The following KDM4C variants were observed in gnomAD, a reference collection of about 807,000 sequenced individuals.
KDM4C encodes lysine demethylase 4C.
KDM4C carries 81 observed loss-of-function variants against 129.3 expected under a neutral mutation model. The ratio of observed to expected loss-of-function variants is 0.63; its 90% CI spans 0.52 to 0.75. KDM4C has a LOEUF of 0.75. Ranked by LOEUF, KDM4C falls within the 30% of genes least tolerant of loss-of-function variation. KDM4C has a pLI of 0.00. For synonymous variants in KDM4C, 573 were observed against 456.1 expected, an observed-to-expected ratio of 1.26 and a Z score of -3.26; for missense variants, 1,457 against 1,304.0, an observed-to-expected ratio of 1.12 and a Z score of -1.81.
chr9:6,946,031 C>T (rs1302835632), intron 8 of KDM4C, among the ~76,000 whole-genome samples: 7 of 152,116 alleles, frequency 4.6e-5, no homozygotes, highest in East Asian at 3.9e-4. Context: ...GCATGAATTC[C>T]TTGGTATGAA....
At chr9:6,926,064 C>G (rs946301379) in intron 8 of KDM4C, among the ~76,000 whole-genome samples, 3 of 152,068 alleles carry the variant, frequency 2.0e-5, no homozygotes, top group African/African-American at 7.2e-5. Flanking sequence ...GGTCAGTGAA[C>G]TCAGTTAAGA....
chr9:6,857,646 C>T (rs545178227), intron 5 of KDM4C, among the ~76,000 whole-genome samples: 88 of 152,020 alleles, frequency 5.8e-4, no homozygotes, highest in Middle Eastern at 3.4e-3. Flanking sequence ...GGATTGTTAC[C>T]GATCAAGTTT....
At chr9:7,047,439 T>A (rs16925215) in intron 16 of KDM4C, among the ~76,000 whole-genome samples, 6,480 of 152,126 alleles carry the variant, frequency 0.043, 184 homozygotes, top group East Asian at 0.1. Context: ...GTGGAGAATA[T>A]GAAGAGAGTC....
intron 8 of KDM4C, among the ~76,000 whole-genome samples, chr9:6,915,790 C>G (rs1281514664): frequency 6.6e-6 from 1 of 152,068 alleles, no homozygotes; most frequent in African/African-American, 2.4e-5. Flanking sequence ...ACACTTCCAG[C>G]TTCCTTTGGA....
At chr9:6,858,525 C>T (rs1407414840) in intron 5 of KDM4C, among the ~76,000 whole-genome samples, 5 of 152,148 alleles carry the variant, frequency 3.3e-5, no homozygotes, top group African/African-American at 4.8e-5. Context: ...TAGGGCTGGG[C>T]ATGGTTGGGA....
chr9:6,811,268 C>A (rs1831096417), intron 3 of KDM4C, among the ~76,000 whole-genome samples: 2 of 152,148 alleles, frequency 1.3e-5, no homozygotes, highest in Admixed American at 6.5e-5. Flanking sequence ...ATTCTCCTGC[C>A]TCAGCCTCCC....
intron 4 of KDM4C, among the ~76,000 whole-genome samples, chr9:6,845,921 G>A (rs1375308512): frequency 6.6e-6 from 1 of 152,208 alleles, no homozygotes; most frequent in Non-Finnish European, 1.5e-5. Context: ...ATGGAATTAA[G>A]TTTTAAACAG....
At chr9:6,989,421 A>C (rs1306836436) in intron 11 of KDM4C, among the ~76,000 whole-genome samples, 7 of 152,170 alleles carry the variant, frequency 4.6e-5, no homozygotes, top group Non-Finnish European at 8.8e-5. Context: ...TGCGAGCAAG[A>C]GAGCTTAAAA....
intron 8 of KDM4C, among the ~76,000 whole-genome samples, chr9:6,939,992 T>C (rs148387820): frequency 1.1e-5 from 1 of 93,000 alleles, no homozygotes; most frequent in Non-Finnish European, 2.5e-5. Context: ...CTTCCTTCCT[T>C]CCTTCCTTCC....
chr9:7,020,421 T>A (rs903064514), intron 15 of KDM4C, among the ~76,000 whole-genome samples: 1 of 152,240 alleles, frequency 6.6e-6, no homozygotes, highest in Non-Finnish European at 1.5e-5. Flanking sequence ...AGCGTTTGAC[T>A]TATGGCTTAT....
At chr9:6,757,842 T>C (rs1459606501), upstream of KDM4C, 5 of 985,524 alleles carry the variant, frequency 5.1e-6, no homozygotes, top group African/African-American at 1.7e-5. Flanking sequence ...CAAGCCTAAG[T>C]TAACCACAGC....
chr9:7,103,691 A>G lies in KDM4C; in HGVS notation c.2431A>G (p.Ile811Val), dbSNP rs767155825. 10 of 1,613,136 alleles carry G rather than the reference A, an allele frequency of 6.2e-6. No homozygotes were observed. In the South Asian group the frequency reaches 9.9e-5, roughly 16 times the overall value. The change falls in exon 18 of 22, where the codon ATC (isoleucine) becomes GTC (valine). Residue 811 changes from isoleucine to valine, a missense_variant. By Grantham distance (29) the Ile-to-Val change is conservative. Coordinates refer to ENST00000381309, the MANE Select transcript of KDM4C (RefSeq NM_015061.6). ...IPLQRLKLKCIFCRHRVKRVS... is the reference protein window; with the variant it reads ...IPLQRLKLKCVFCRHRVKRVS... ...CTCTGTTTTAACCTTCCAGAAATGC[A>G]TCTTCTGCAGACACCGGGTTAAGAG...
intron 12 of KDM4C, among the ~76,000 whole-genome samples, chr9:7,011,193 G>T (rs1243509743): frequency 6.6e-6 from 1 of 152,172 alleles, no homozygotes; most frequent in East Asian, 1.9e-4. Flanking sequence ...CTCTGTAAAT[G>T]TTAATTGTAA....
At chr9:6,915,200 C>A (rs1820084601) in intron 8 of KDM4C, among the ~76,000 whole-genome samples, 1 of 152,138 alleles carries the variant, frequency 6.6e-6, no homozygotes, top group Non-Finnish European at 1.5e-5. Context: ...CCTATATTGT[C>A]TTATTGGTAA....
At chr9:7,110,834 T>TG (rs1587694880) in intron 18 of KDM4C, among the ~76,000 whole-genome samples, 1 of 152,210 alleles carries the variant, frequency 6.6e-6, no homozygotes, top group Non-Finnish European at 1.5e-5. Flanking sequence ...TTCTAAGACT[T>TG]GCAGTATTGG....
chr9:6,731,994 A>C (rs1211389920), intron 1 of KDM4C, among the ~76,000 whole-genome samples: 3 of 152,098 alleles, frequency 2.0e-5, no homozygotes, highest in South Asian at 4.1e-4. Flanking sequence ...CACTATCAGG[A>C]GGATAATACC....
At chr9:6,832,433 T>C (rs1835010084) in intron 4 of KDM4C, among the ~76,000 whole-genome samples, 1 of 147,218 alleles carries the variant, frequency 6.8e-6, no homozygotes, top group South Asian at 2.2e-4. Flanking sequence ...TTTTTCTTTT[T>C]TTTTTTTTTT....
Position 7,175,408 on chromosome 9 carries a change from G to A in KDM4C, c.*679G>A, listed in dbSNP as rs367829124. 5.2e-5 allele frequency: 8 copies of A among 152,608 alleles called. No homozygotes were observed. The East Asian group carries it at 9.7e-4, about 18-fold the overall frequency. The allele number at this position is 152,608 out of a possible 1,614,324, so 9.5% of individuals were successfully genotyped here. A position where few individuals can be genotyped will look rare whatever the true frequency, so the allele number is the denominator to read the frequency against. ...AAAGAATTCTTATGAATTGTTATGC[G>A]AATTTTATATATTTAAAGAGGGAGA... On this transcript the variant is annotated 3_prime_UTR_variant, in exon 22 of 22. Transcript: ENST00000381309.
rs1042214133 is a variant in KDM4C at position 6,777,256 on chromosome 9, C to T, written c.-17-15716C>T. On this transcript the variant is annotated intron_variant, in intron 1 of 21. Transcript: ENST00000381309. ...GCAGGGTGGAAGCAGACCTTAAGCA[C>T]CCAAAGCTCTCTACTCCTTTCTGCC... 7.2e-5 allele frequency among the ~76,000 whole-genome samples: 11 copies of T among 152,300 alleles called. No individual in the cohort carries two copies. In the East Asian group the frequency reaches 1.5e-3, roughly 21 times the overall value.
Sources: gnomAD v4.1 joint callset for allele counts (sites outside exome capture counted in the v4.1 genomes callset) on GRCh38, gnomAD v4.1.1 for gene constraint, MANE v1.5 for transcripts, NCBI Gene and HGNC (gene_info 2026-07-23, HGNC 2026-07-21) for gene names.